The following WWP1 variants were observed in gnomAD, a reference collection of about 807,000 sequenced individuals.
WWP1 encodes the protein NEDD4-like E3 ubiquitin-protein ligase WWP1.
Under a neutral mutation model 130.6 loss-of-function variants are expected in WWP1, and 49 were observed. The observed-to-expected ratio is 0.38, with a 90% confidence interval of 0.30 to 0.48. The LOEUF (loss-of-function observed/expected upper bound fraction) is 0.48, where lower values mean the gene tolerates loss of function less well. Among genes scored for constraint, WWP1 ranks in the 20% least tolerant of loss-of-function variants. The pLI is 0.99. For missense variants in WWP1, 809 were observed against 1,100.6 expected (o/e 0.74, Z 3.75); for synonymous variants, 332 against 367.8 (o/e 0.90, Z 1.11).
At chr8:86,389,885 C>A (rs1282933829) in intron 5 of WWP1, among the ~76,000 whole-genome samples, 1 of 151,906 alleles carries the variant, frequency 6.6e-6, no homozygotes, top group Non-Finnish European at 1.5e-5. Context: ...GGGGCTGCCC[C>A]CCACCTCCTG....
intron 5 of WWP1, among the ~76,000 whole-genome samples, chr8:86,391,236 G>C (rs1807320788): frequency 6.6e-6 from 1 of 152,128 alleles, no homozygotes; most frequent in Non-Finnish European, 1.5e-5. Context: ...TTTTGTATAA[G>C]CCCAGTTGGT....
chr8:86,439,512 A>G (rs1309698724), intron 17 of WWP1, among the ~76,000 whole-genome samples: 1 of 152,168 alleles, frequency 6.6e-6, no homozygotes, highest in Non-Finnish European at 1.5e-5. Flanking sequence ...TTTCTTTTTT[A>G]AAATGGCTGT....
At chr8:86,464,250 G>C (rs189892161) in intron 24 of WWP1, among the ~76,000 whole-genome samples, 2 of 151,916 alleles carry the variant, frequency 1.3e-5, no homozygotes, top group East Asian at 3.9e-4. Context: ...CTATTTATCT[G>C]TGTGGGGCTA....
At chr8:86,343,039 G>A (rs1253341491) in intron 1 of WWP1, 109 bp downstream of exon 1, 2 of 299,778 alleles carry the variant, frequency 6.7e-6, no homozygotes, top group East Asian at 5.5e-5. Context: ...TCCGCCCCCG[G>A]GCTGGACCCT....
At chr8:86,441,450 G>A in intron 17 of WWP1, among the ~76,000 whole-genome samples, 1 of 152,202 alleles carries the variant, frequency 6.6e-6, no homozygotes. Context: ...CAGGCTGCCA[G>A]GCCAGATGTA....
chr8:86,381,471 T>A (rs779866289), intron 4 of WWP1, 34 bp from the exon 5 acceptor site: 1 of 1,593,342 alleles, frequency 6.3e-7, no homozygotes, highest in Admixed American at 1.9e-5. Flanking sequence ...CAACGTCTAC[T>A]CCTGTATTTT....
At chr8:86,461,565 C>T (rs1163757130) in intron 23 of WWP1, 4 of 628,318 alleles carry the variant, frequency 6.4e-6, no homozygotes, top group Non-Finnish European at 1.1e-5. Flanking sequence ...GAGCGACATT[C>T]TGTAGAGAGA....
intron 20 of WWP1, among the ~76,000 whole-genome samples, chr8:86,449,628 C>T (rs1392918988): frequency 1.3e-5 from 2 of 152,188 alleles, no homozygotes; most frequent in Non-Finnish European, 2.9e-5. Context: ...CTACAGATGA[C>T]GCATCTTAAA....
rs144541743 is a variant in WWP1 at position 86,355,792 on chromosome 8, C to T, written c.-115+12862C>T. 6.6e-5 allele frequency among the ~76,000 whole-genome samples: 10 copies of T among 152,304 alleles called. No homozygotes were observed. The East Asian group carries it at 1.7e-3, about 26-fold the overall frequency. On this transcript the variant is annotated intron_variant, in intron 1 of 24. Coordinates refer to ENST00000517970, the MANE Select transcript of WWP1 (RefSeq NM_007013.4). ...CTTAACAGCCCACAAAACCACCTGA[C>T]GTAAGCTTTAGTTGATAAGAGAATA...
intron 21 of WWP1, among the ~76,000 whole-genome samples, chr8:86,453,490 G>A (rs1811284134): frequency 6.6e-6 from 1 of 152,132 alleles, no homozygotes; most frequent in Non-Finnish European, 1.5e-5. Flanking sequence ...GTTGTGAATA[G>A]TGCTGCTGTG....
rs1443210821 is a variant in WWP1 at position 86,457,907 on chromosome 8, TG to T, written c.2395-13del. 1.9e-6 allele frequency: 3 copies of T among 1,605,460 alleles called. No individual in the cohort carries two copies. Among genetic ancestry groups the T allele is most frequent in the Non-Finnish European group, 2.6e-6 (3 of 1,174,192 alleles). On this transcript the variant is annotated splice_polypyrimidine_tract_variant and intron_variant, in intron 21 of 24. Coordinates refer to ENST00000517970, the MANE Select transcript of WWP1 (RefSeq NM_007013.4). The stretch of plus-strand genomic sequence containing the variant: ...AAATCTTTATTGTGGCCTGATTCTG[TG>T]CTCATTTCCCAGGTTATGTTGTGTG...
At chr8:86,459,772 T>C (rs530087857) in intron 22 of WWP1, among the ~76,000 whole-genome samples, 1 of 152,388 alleles carries the variant, frequency 6.6e-6, no homozygotes, top group East Asian at 1.9e-4. Flanking sequence ...TCCATGGCTT[T>C]CTGTTTACAC....
intron 7 of WWP1, among the ~76,000 whole-genome samples, chr8:86,400,494 G>A (rs1449092978): frequency 6.6e-6 from 1 of 152,138 alleles, no homozygotes; most frequent in Non-Finnish European, 1.5e-5. Context: ...CATCTCTGAG[G>A]AGGTATGATT....
intron 5 of WWP1, among the ~76,000 whole-genome samples, chr8:86,387,537 C>T (rs890921984): frequency 6.6e-6 from 1 of 151,690 alleles, no homozygotes; most frequent in Non-Finnish European, 1.5e-5. Flanking sequence ...TTCCTTGAGA[C>T]AGTCTCACTC....
chr8:86,453,004 G>A (rs935717388), intron 21 of WWP1, among the ~76,000 whole-genome samples: 1 of 152,094 alleles, frequency 6.6e-6, no homozygotes, highest in Admixed American at 6.6e-5. Context: ...TTTAAGTCAT[G>A]AGTTCTTAGT....
chr8:86,388,225 T>G (rs1825400395), intron 5 of WWP1, among the ~76,000 whole-genome samples: 1 of 151,872 alleles, frequency 6.6e-6, no homozygotes, highest in South Asian at 2.1e-4. Flanking sequence ...TTAGGTAGAG[T>G]TTTAGTTTCA....
intron 1 of WWP1, among the ~76,000 whole-genome samples, chr8:86,357,216 C>G (rs1360164698): frequency 1.3e-5 from 2 of 152,146 alleles, no homozygotes; most frequent in Non-Finnish European, 2.9e-5. Context: ...AAACTGAGGC[C>G]GAGTGAGGTT....
At chr8:86,406,091 G>A (rs897827850) in intron 8 of WWP1, among the ~76,000 whole-genome samples, 1 of 152,186 alleles carries the variant, frequency 6.6e-6, no homozygotes, top group Non-Finnish European at 1.5e-5. Flanking sequence ...AGGCAGTCAT[G>A]ATGTAGTAAA....
intron 5 of WWP1, among the ~76,000 whole-genome samples, chr8:86,395,051 T>C (rs1325785798): frequency 6.6e-6 from 1 of 152,196 alleles, no homozygotes; most frequent in African/African-American, 2.4e-5. Context: ...GCTGAGCTTT[T>C]GGCTAATAGC....
Sources: allele counts gnomAD v4.1 joint callset (sites outside exome capture counted in the v4.1 genomes callset), GRCh38; gene constraint gnomAD v4.1.1; transcripts MANE v1.5; gene names NCBI Gene and HGNC (gene_info 2026-07-23, HGNC 2026-07-21).